Variants in NELL2 observed in about 807,000 individuals in gnomAD.
NELL2 encodes protein kinase C-binding protein NELL2.
Under a neutral mutation model 109.6 loss-of-function variants are expected in NELL2, and 41 were observed. That is an observed-to-expected ratio of 0.37 (90% CI 0.29 to 0.49). The LOEUF (loss-of-function observed/expected upper bound fraction) is 0.49, where lower values mean the gene tolerates loss of function less well. Among genes scored for constraint, NELL2 ranks in the 20% least tolerant of loss-of-function variants. The pLI, the probability that NELL2 is intolerant of heterozygous loss-of-function variation, is 0.98. For missense variants in NELL2, 900 were observed against 1,008.3 expected, an observed-to-expected ratio of 0.89 and a Z score of 1.45; for synonymous variants, 355 against 344.7, an observed-to-expected ratio of 1.03 and a Z score of -0.33.
chr12:44,877,404 A>T (rs1160329915), upstream of NELL2, among the ~76,000 whole-genome samples: 5 of 152,246 alleles, frequency 3.3e-5, no homozygotes, highest in Non-Finnish European at 7.3e-5. Context: ...AATTTTGAGG[A>T]ATGGCATTCC....
intron 13 of NELL2, among the ~76,000 whole-genome samples, chr12:44,633,793 T>A (rs1044786963): frequency 3.9e-5 from 6 of 152,160 alleles, no homozygotes; most frequent in Non-Finnish European, 4.4e-5. Flanking sequence ...ATCCAACCTT[T>A]TTTTGGTGAA....
chr12:44,774,679 G>C, intron 9 of NELL2, 68 bp downstream of exon 9: 1 of 1,253,852 alleles, frequency 8.0e-7, no homozygotes, highest in Non-Finnish European at 1.2e-6. Flanking sequence ...ACCAATGATG[G>C]GTGAATACTT....
At chr12:44,667,152 T>C (rs1003059168) in intron 12 of NELL2, among the ~76,000 whole-genome samples, 4 of 152,190 alleles carry the variant, frequency 2.6e-5, no homozygotes, top group Admixed American at 1.3e-4. Context: ...CCCAAACAAA[T>C]CACATATTCC....
At chr12:44,804,321 G>A (rs979921996) in intron 3 of NELL2, among the ~76,000 whole-genome samples, 1 of 151,864 alleles carries the variant, frequency 6.6e-6, no homozygotes, top group African/African-American at 2.4e-5. Context: ...CTTTTATTCA[G>A]CTGTTATGAA....
intron 15 of NELL2, among the ~76,000 whole-genome samples, chr12:44,557,512 G>A (rs1018857184): frequency 6.6e-6 from 1 of 152,082 alleles, no homozygotes; most frequent in African/African-American, 2.4e-5. Context: ...TCAATGCAGA[G>A]GTACTGAAGA....
At chr12:44,654,630 A>C (rs943547068) in intron 13 of NELL2, among the ~76,000 whole-genome samples, 7 of 152,144 alleles carry the variant, frequency 4.6e-5, no homozygotes, top group African/African-American at 7.2e-5. Flanking sequence ...AACACTCTTC[A>C]AGCAGTCAGT....
intron 13 of NELL2, among the ~76,000 whole-genome samples, chr12:44,650,382 C>T (rs1051963542): frequency 6.6e-6 from 1 of 151,822 alleles, no homozygotes; most frequent in South Asian, 2.1e-4. Context: ...CAACCTCCGC[C>T]TCCCAGATTT....
intron 15 of NELL2, among the ~76,000 whole-genome samples, chr12:44,551,116 A>G (rs1185915672): frequency 6.6e-6 from 1 of 152,190 alleles, no homozygotes; most frequent in African/African-American, 2.4e-5. Flanking sequence ...TCACAAGTAT[A>G]TATGTATCCC....
rs555936807 is a variant in NELL2 at position 44,635,100 on chromosome 12, G to A, written c.1445-24130C>T. Among the ~76,000 whole-genome samples, 22 of 151,784 alleles carry A rather than the reference G, an allele frequency of 1.4e-4. 1 individual carries two copies. The South Asian group carries it at 3.1e-3, about 21-fold the overall frequency. On this transcript the variant is annotated intron_variant, in intron 13 of 19. Coordinates refer to ENST00000429094, the MANE Select transcript of NELL2 (RefSeq NM_001145108.2). ...GTCTTCTTTTGAGAAGTGTCTATTC[G>A]TATCCTTTGCCCACTTTTTGATGGG...
chr12:44,704,615 T>C (rs1388044418), intron 11 of NELL2, among the ~76,000 whole-genome samples: 1 of 152,232 alleles, frequency 6.6e-6, no homozygotes, highest in Non-Finnish European at 1.5e-5. Context: ...GGAATCTATA[T>C]TTAATGGAAA....
intron 19 of NELL2, among the ~76,000 whole-genome samples, chr12:44,518,637 A>G (rs913430257): frequency 2.0e-5 from 3 of 152,168 alleles, no homozygotes; most frequent in East Asian, 3.9e-4. Context: ...CATCTGTGCT[A>G]TATTTCATTT....
At chr12:44,705,145 CT>C (rs1251102195) in intron 11 of NELL2, among the ~76,000 whole-genome samples, 1 of 151,834 alleles carries the variant, frequency 6.6e-6, no homozygotes, top group African/African-American at 2.4e-5. Flanking sequence ...ATTGGTTCAT[CT>C]TATCTGTAAT....
At chr12:44,526,705 C>T (rs963922858) in intron 16 of NELL2, among the ~76,000 whole-genome samples, 2 of 152,254 alleles carry the variant, frequency 1.3e-5, no homozygotes, top group Non-Finnish European at 2.9e-5. Flanking sequence ...ATATGGTTGA[C>T]GTTATTTATG....
At position 44,711,444 on chromosome 12, in the gene NELL2, T is replaced by C. The variant is rs1296233324; in HGVS notation, c.1087-50A>G. The C allele has an allele frequency of 2.0e-6, 3 of 1,497,298 alleles. No individual in the cohort carries two copies. In the Admixed American group the frequency reaches 5.1e-5, roughly 26 times the overall value. The allele number at this position is 1,497,298 out of a possible 1,614,324, so 92.8% of individuals were successfully genotyped here. On this transcript the variant is annotated intron_variant, in intron 10 of 19. Transcript: ENST00000429094. ...CTTCAAATTTTATCATTAGGACTTGTTAAGAAGTTTCCAGATCCAGCATCT... is the reference window on the plus strand; with the variant it reads ...CTTCAAATTTTATCATTAGGACTTGCTAAGAAGTTTCCAGATCCAGCATCT...
chr12:44,808,347 C>T (rs1490439176), intron 3 of NELL2, among the ~76,000 whole-genome samples: 1 of 151,930 alleles, frequency 6.6e-6, no homozygotes, highest in African/African-American at 2.4e-5. Flanking sequence ...AATTTACTTT[C>T]TTTGATGAGC....
intron 13 of NELL2, among the ~76,000 whole-genome samples, chr12:44,622,657 T>C (rs1946100826): frequency 6.6e-6 from 1 of 152,172 alleles, no homozygotes; most frequent in African/African-American, 2.4e-5. Context: ...AATTTTAAGA[T>C]ATTAGATTTC....
intron 15 of NELL2, among the ~76,000 whole-genome samples, chr12:44,536,941 C>T (rs905044319): frequency 6.8e-6 from 1 of 147,516 alleles, no homozygotes; most frequent in African/African-American, 2.5e-5. Flanking sequence ...GGTAGATTTC[C>T]TAGAAAGCAC....
At chr12:44,543,646 T>C (rs1358600632) in intron 15 of NELL2, among the ~76,000 whole-genome samples, 1 of 152,138 alleles carries the variant, frequency 6.6e-6, no homozygotes, top group Non-Finnish European at 1.5e-5. Context: ...TGTGTTAGAG[T>C]TCAACAATGA....
At chr12:44,772,738 C>T (rs952620604) in intron 9 of NELL2, among the ~76,000 whole-genome samples, 1 of 151,978 alleles carries the variant, frequency 6.6e-6, no homozygotes, top group South Asian at 2.1e-4. Context: ...AAGATAAAGT[C>T]GCTTAATACT....
Sources: gnomAD v4.1 joint callset for allele counts (sites outside exome capture counted in the v4.1 genomes callset) on GRCh38, gnomAD v4.1.1 for gene constraint, MANE v1.5 for transcripts, NCBI Gene and HGNC (gene_info 2026-07-23, HGNC 2026-07-21) for gene names.